Variants in TAAR2 observed in about 807,000 individuals in gnomAD.
TAAR2 encodes trace amine-associated receptor 2.
TAAR2 carries 30 observed loss-of-function variants against 25.5 expected under a neutral mutation model. The observed-to-expected ratio is 1.18, with a 90% CI of 0.88 to 1.60. The LOEUF is 1.60. Among genes scored for constraint, TAAR2 ranks in the 40% most tolerant of loss-of-function variants. The pLI, the probability that TAAR2 is intolerant of heterozygous loss-of-function variation, is 0.00. For missense variants in TAAR2, 481 were observed against 416.5 expected, an observed-to-expected ratio of 1.15 and a Z score of -1.35; for synonymous variants, 150 against 142.4, an observed-to-expected ratio of 1.05 and a Z score of -0.38.
At position 132,618,101 on chromosome 6, in the gene TAAR2, T is replaced by C. The variant is rs200516149; in HGVS notation, c.105A>G (p.Glu35=). Residue 35 remains glutamate, a synonymous_variant, in exon 2 of 2, where the codon GAA becomes GAG. Transcript: ENST00000367931. ...CTCGGACACCCAGAGATCTTTCATTTTCTGGGCAAGATCTATTTCCATATT... is the reference window on the plus strand; with the variant it reads ...CTCGGACACCCAGAGATCTTTCATTCTCTGGGCAAGATCTATTTCCATATT... ...CSEYGNRSCP[E]NERSLGVRVA... 1.9e-6 allele frequency: 3 copies of C among 1,611,820 alleles called. No homozygotes were observed. Among genetic ancestry groups the C allele is most frequent in the Non-Finnish European group, 1.7e-6 (2 of 1,178,964 alleles).
chr6:132,621,814 A>G (rs9321355), intron 1 of TAAR2, among the ~76,000 whole-genome samples: 32,802 of 152,072 alleles, frequency 0.22, 8,310 homozygotes, highest in African/African-American at 0.61. Flanking sequence ...ATGGAGGGGT[A>G]TATCAGATGA....
At position 132,617,228 on chromosome 6, in the gene TAAR2, C is replaced by T. The variant is rs1438819318; in HGVS notation, c.978G>A (p.Leu326=). 6.2e-7 allele frequency: 1 copy of T among 1,613,140 alleles called. No homozygotes were observed. ...AAATTTTACCTAGCAAAATGTACTT[C>T]AGTGCTCTGCGAAACCAGGGATAGA... ...GFFYPWFRRA[L]KYILLGKIFS... The change falls in exon 2 of 2, where the codon CTG becomes CTA. Residue 326 remains leucine (L), a synonymous_variant. Transcript: ENST00000367931.
At position 132,617,845 on chromosome 6, in the gene TAAR2, T is replaced by C. The variant is rs1236715414; in HGVS notation, c.361A>G (p.Ser121Gly). 1.9e-6 allele frequency: 3 copies of C among 1,614,060 alleles called. 1 individual carries two copies. The South Asian group carries it at 3.3e-5, about 18-fold the overall frequency. Residue 121 changes from serine (S) to glycine (G), a missense_variant, in exon 2 of 2, where the codon AGT becomes GGT. By Grantham distance (56) the Ser-to-Gly change is moderately conservative (BLOSUM62 0). Coordinates refer to ENST00000367931, the MANE Select transcript of TAAR2 (RefSeq NM_001033080.1). ...FGLTFCKIYY[S>G]FDLMLSITSI... ...GTTATGCTAAGCATCAGGTCAAAACTATAATAAATCTTGCAAAATGTAAGC... is the reference window on the plus strand; with the variant it reads ...GTTATGCTAAGCATCAGGTCAAAACCATAATAAATCTTGCAAAATGTAAGC...
intron 1 of TAAR2, among the ~76,000 whole-genome samples, chr6:132,620,102 T>C (rs1161427432): frequency 6.6e-6 from 1 of 151,924 alleles, no homozygotes; most frequent in Non-Finnish European, 1.5e-5. Flanking sequence ...TGGGTAATGA[T>C]TTTTTTAAAT....
intron 1 of TAAR2, among the ~76,000 whole-genome samples, chr6:132,623,105 GA>G (rs1777397009): frequency 6.6e-6 from 1 of 152,044 alleles, no homozygotes. Context: ...CATTTGACCA[GA>G]AAAGATTTCT....
rs1343707582 is a variant in TAAR2, at chr6:132,617,763, G to A, written c.443C>T (p.Pro148Leu). ...AIDRFYAICY[P>L]LLYSTKITIP... is the part of the protein sequence containing the mutation. ...AGTTATTTTGGTGGAATAAAGTAAT[G>A]GGTAACATATAGCATAAAATCTATC... The change falls in exon 2 of 2, where the codon CCA becomes CTA. Residue 148 changes from proline to leucine, a missense_variant. Coordinates refer to ENST00000367931, the MANE Select transcript of TAAR2 (RefSeq NM_001033080.1). The A allele has an allele frequency of 6.2e-7, 1 of 1,613,870 alleles. No individual in the cohort carries two copies. The highest frequency in any genetic ancestry group is 8.5e-7 in the Non-Finnish European group (1 of 1,179,976).
rs745406798 is a variant in TAAR2 at position 132,617,176 on chromosome 6, A to T, written c.1030T>A (p.Leu344Met). The T allele has an allele frequency of 1.3e-6, 2 of 1,593,842 alleles. No individual in the cohort carries two copies. Among genetic ancestry groups the T allele is most frequent in the Non-Finnish European group, 1.7e-6 (2 of 1,175,036 alleles). ...IFSSCFHNTI[L>M]CMQKESE ...TACTCACTTTCTTTTTGCATACACA[A>T]AATAGTATTATGGAAACATGAGCTG... is the stretch of plus-strand genomic sequence containing the variant. Residue 344 changes from leucine to methionine, a missense_variant, in exon 2 of 2, where the codon TTG becomes ATG. Transcript: ENST00000367931.
chr6:132,622,982 C>T (rs999491870), intron 1 of TAAR2, among the ~76,000 whole-genome samples: 2 of 152,056 alleles, frequency 1.3e-5, no homozygotes. Flanking sequence ...ATAGGCTTAG[C>T]GTAATGCCTG....
chr6:132,624,199 T>C lies in TAAR2; in HGVS notation c.60+17A>G. 2 of 1,612,610 alleles carry C rather than the reference T, an allele frequency of 1.2e-6. No homozygotes were observed. The highest frequency in any genetic ancestry group is 8.5e-7 in the Non-Finnish European group (1 of 1,178,954). ...GATGCTACTGGTTTAAACTTAGTCA[T>C]ATGTTTAAGGGCCTACCTTTTTTGT... On this transcript the variant is annotated intron_variant, in intron 1 of 1. Transcript: ENST00000367931.
intron 1 of TAAR2, among the ~76,000 whole-genome samples, chr6:132,621,127 A>C (rs1777366089): frequency 6.6e-6 from 1 of 151,496 alleles, no homozygotes; most frequent in South Asian, 2.1e-4. Context: ...GTTTATTTTT[A>C]AATCACTTTA....
intron 1 of TAAR2, among the ~76,000 whole-genome samples, chr6:132,619,079 G>T (rs1331555014): frequency 6.6e-6 from 1 of 152,160 alleles, no homozygotes; most frequent in Non-Finnish European, 1.5e-5. Context: ...GTCAGAGGTG[G>T]GCACAGACCA....
At chr6:132,621,294 C>T (rs150796600) in intron 1 of TAAR2, among the ~76,000 whole-genome samples, 298 of 151,928 alleles carry the variant, frequency 2.0e-3, no homozygotes, top group African/African-American at 7.0e-3. Flanking sequence ...ATGTACAGAA[C>T]GTGCAGGTTT....
At position 132,624,148 on chromosome 6, in the gene TAAR2, C is replaced by T. The variant is rs906892310; in HGVS notation, c.60+68G>A. ...ATAATTATTATCTTTGTAAATAATT[C>T]ACATGTTTATGCCAAAATCTTCTCA... On this transcript the variant is annotated intron_variant, in intron 1 of 1. Transcript: ENST00000367931. The T allele has an allele frequency of 7.6e-6, 11 of 1,439,480 alleles. No homozygotes were observed. In the African/African-American group the frequency reaches 1.6e-4, roughly 21 times the overall value. 89.2% of individuals were successfully genotyped at this position (1,439,480 alleles called of 1,614,324 possible).
At chr6:132,618,442 C>A (rs945421867) in intron 1 of TAAR2, among the ~76,000 whole-genome samples, 1 of 152,072 alleles carries the variant, frequency 6.6e-6, no homozygotes, top group Non-Finnish European at 1.5e-5. Flanking sequence ...GAGTTTGAGA[C>A]TAGCCTGGCC....
At chr6:132,624,045 T>C (rs1043057962) in intron 1 of TAAR2, among the ~76,000 whole-genome samples, 171 bp downstream of exon 1, 2 of 152,214 alleles carry the variant, frequency 1.3e-5, no homozygotes, top group Non-Finnish European at 2.9e-5. Flanking sequence ...TTACCCATTG[T>C]CTTCCTCATT....
At chr6:132,623,852 C>A (rs1222557818) in intron 1 of TAAR2, among the ~76,000 whole-genome samples, 2 of 151,988 alleles carry the variant, frequency 1.3e-5, no homozygotes, top group East Asian at 3.9e-4. Flanking sequence ...TCTGCTATTA[C>A]ATAAAGGCTG....
intron 1 of TAAR2, among the ~76,000 whole-genome samples, chr6:132,618,435 T>C (rs1445798800): frequency 6.6e-6 from 1 of 151,756 alleles, no homozygotes; most frequent in Non-Finnish European, 1.5e-5. Flanking sequence ...AGGTCAGGAG[T>C]TTGAGACTAG....
intron 1 of TAAR2, among the ~76,000 whole-genome samples, chr6:132,622,918 TTTAAAG>T (rs560107401): frequency 1.4e-4 from 22 of 152,220 alleles, no homozygotes; most frequent in Non-Finnish European, 2.5e-4. Context: ...CTATCAAATA[TTTAAAG>T]TTAATGAATC....
chr6:132,618,244 C>T (rs896879546), intron 1 of TAAR2, 99 bp from the exon 2 acceptor site: 1 of 1,117,194 alleles, frequency 9.0e-7, no homozygotes, highest in Non-Finnish European at 1.3e-6. Flanking sequence ...AGAGAAGAAT[C>T]AAGGAAGATA....
Sources: allele counts gnomAD v4.1 joint callset (sites outside exome capture counted in the v4.1 genomes callset), GRCh38; gene constraint gnomAD v4.1.1; transcripts MANE v1.5; gene names NCBI Gene and HGNC (gene_info 2026-07-23, HGNC 2026-07-21).